Variants in XIRP1 observed in about 807,000 individuals in gnomAD.
The protein encoded by XIRP1 is xin actin binding repeat containing 1.
For missense variants in XIRP1, 2,378 were observed against 2,345.4 expected, an observed-to-expected ratio of 1.01 and a Z score of -0.29; for synonymous variants, 984 against 947.0, an observed-to-expected ratio of 1.04 and a Z score of -0.72.
At position 39,189,047 on chromosome 3, in the gene XIRP1, G is replaced by A. The variant is rs766709376; in HGVS notation, c.399C>T (p.Gly133=). 5.6e-6 allele frequency: 9 copies of A among 1,614,038 alleles called. No homozygotes were observed. Among genetic ancestry groups the A allele is most frequent in the East Asian group, 2.2e-5 (1 of 44,904 alleles). ...CCTGGTCTGTGCTGTTGGCAAAGGA[G>A]CCTTCCTCAAACTTGCGGGAGGTGG... is the stretch of plus-strand genomic sequence containing the variant. ...VQATSRKFEE[G]SFANSTDQEP... The change falls in exon 2 of 2, where the codon GGC becomes GGT. Residue 133 remains glycine, a synonymous_variant. Coordinates refer to ENST00000340369, the MANE Select transcript of XIRP1 (RefSeq NM_194293.4).
rs138241589 is a variant in XIRP1 at position 39,183,719 on chromosome 3, C to T, written c.*195G>A. ...CCTGTGCAACTCTGTGGGCCTCTTCCAGACCTTTCTTTTTCCATTTGGAAG... is the reference window on the plus strand; with the variant it reads ...CCTGTGCAACTCTGTGGGCCTCTTCTAGACCTTTCTTTTTCCATTTGGAAG... On this transcript the variant is annotated 3_prime_UTR_variant, in exon 2 of 2. Transcript: ENST00000340369. The T allele has an allele frequency of 6.3e-4, 630 of 1,002,522 alleles. 4 individuals carry two copies. The African/African-American group carries it at 9.3e-3, about 15-fold the overall frequency. 62.1% of individuals were successfully genotyped at this position (1,002,522 alleles called of 1,614,324 possible).
chr3:39,191,078 C>T (rs1466756584), intron 1 of XIRP1, among the ~76,000 whole-genome samples: 1 of 152,222 alleles, frequency 6.6e-6, no homozygotes, highest in East Asian at 1.9e-4. Flanking sequence ...GCAGGACTTC[C>T]TCCCTATGGC....
Position 39,184,919 on chromosome 3 carries a change from A to C in XIRP1, c.4527T>G (p.Pro1509=). The C allele has an allele frequency of 1.3e-6, 2 of 1,582,458 alleles. No homozygotes were observed. Among genetic ancestry groups the C allele is most frequent in the Non-Finnish European group, 1.7e-6 (2 of 1,162,874 alleles). The change falls in exon 2 of 2, where the codon CCT becomes CCG. Residue 1509 remains proline (P), a synonymous_variant. Transcript: ENST00000340369. ...EAVPQLGGAA[P]QAPAAHQKPE... ...GCTTTTGGTGGGCAGCAGGAGCCTG[A>C]GGAGCAGCCCCTCCCAGCTGGGGCA...
chr3:39,191,147 T>C (rs1230497533), intron 1 of XIRP1, among the ~76,000 whole-genome samples: 2 of 152,174 alleles, frequency 1.3e-5, no homozygotes, highest in Non-Finnish European at 2.9e-5. Context: ...CACCCTGGCA[T>C]GTCCACCAAA....
chr3:39,187,086 T>C lies in XIRP1; in HGVS notation c.2360A>G (p.His787Arg), dbSNP rs2039993232. ...TCGGGCCTCCATGAGGATGCCTCCA[T>C]GGTGCAGGATGCCAGGTGTGGCATG... ...TLHATPGILHHGGILMEARGP... is the reference protein window; with the variant it reads ...TLHATPGILHRGGILMEARGP... Residue 787 changes from histidine to arginine, a missense_variant, in exon 2 of 2, where the codon CAT (histidine) becomes CGT (arginine). Physicochemically the swap from His to Arg is conservative, Grantham distance 29. Coordinates refer to ENST00000340369, the MANE Select transcript of XIRP1 (RefSeq NM_194293.4). 4 of 1,613,358 alleles carry C rather than the reference T, an allele frequency of 2.5e-6. No individual in the cohort carries two copies. Among genetic ancestry groups the C allele is most frequent in the Admixed American group, 3.3e-5 (2 of 59,992 alleles).
Position 39,184,784 on chromosome 3 carries a change from C to T in XIRP1, c.4662G>A (p.Val1554=). Residue 1554 remains valine, a synonymous_variant, in exon 2 of 2, where the codon GTG becomes GTA. Coordinates refer to ENST00000340369, the MANE Select transcript of XIRP1 (RefSeq NM_194293.4). ...LARLLDIEEA[V]HKALSSMSSL... ...TAGACATGGAGCTGAGTGCCTTGTG[C>T]ACAGCCTCTTCAATGTCCAGCAGCC... The T allele has an allele frequency of 6.2e-7, 1 of 1,614,234 alleles. No individual in the cohort carries two copies. The highest frequency in any genetic ancestry group is 1.6e-4 in the Middle Eastern group (1 of 6,062).
rs2040044477 is a variant in XIRP1 at position 39,189,027 on chromosome 3, T to A, written c.419A>T (p.Asp140Val). The change falls in exon 2 of 2, where the codon GAC (aspartate) becomes GTC (valine). Residue 140 changes from aspartate (D) to valine (V), a missense_variant. Asp to Val is a radical substitution (Grantham distance 152). Transcript: ENST00000340369. ...TGGCTGGGGCCTGGTTGGCTCCTGG[T>A]CTGTGCTGTTGGCAAAGGAGCCTTC... ...FEEGSFANST[D>V]QEPTRPQPGG... 2 of 1,614,068 alleles carry A rather than the reference T, an allele frequency of 1.2e-6. No homozygotes were observed. Among genetic ancestry groups the A allele is most frequent in the Admixed American group, 3.3e-5 (2 of 60,030 alleles).
Position 39,188,308 on chromosome 3 carries a change from A to C in XIRP1, c.1138T>G (p.Ser380Ala). The C allele has an allele frequency of 6.2e-7, 1 of 1,613,896 alleles. No homozygotes were observed. The highest frequency in any genetic ancestry group is 8.5e-7 in the Non-Finnish European group (1 of 1,179,968). Residue 380 changes from serine to alanine, a missense_variant, in exon 2 of 2, where the codon TCC (serine) becomes GCC (alanine). Coordinates refer to ENST00000340369, the MANE Select transcript of XIRP1 (RefSeq NM_194293.4). ...TTTGTTTCAAATAGCCACAGGGTGG[A>C]GCGGACATCACCAGGGACCACTTCC... The part of the protein sequence containing the change: ...KEEVVPGDVR[S>A]TLWLFETKPL...
Position 39,186,998 on chromosome 3 carries a change from A to G in XIRP1, c.2448T>C (p.Tyr816=), listed in dbSNP as rs745824254. 2 of 1,606,514 alleles carry G rather than the reference A, an allele frequency of 1.2e-6. No individual in the cohort carries two copies. The highest frequency in any genetic ancestry group is 1.1e-5 in the South Asian group (1 of 90,936). ...VLSGTGQGHP[Y]IRKEELVSGE... ...CTGACACCAGCTCCTCCTTTCGTAT[A>G]TAAGGGTGCCCCTGCCCTGTGCCCG... is the stretch of plus-strand genomic sequence containing the variant. The change falls in exon 2 of 2, where the codon TAT becomes TAC. Residue 816 remains tyrosine (Y), a synonymous_variant. Transcript: ENST00000340369.
rs2125903150 is a variant in XIRP1, at chr3:39,188,700, G to C, written c.746C>G (p.Ala249Gly). The C allele has an allele frequency of 3.1e-6, 5 of 1,613,562 alleles. No individual in the cohort carries two copies. In the East Asian group the frequency reaches 8.9e-5, roughly 29 times the overall value. ...GCATGCGGCCTTGACCTCATGGATG[G>C]CGCCCTCTGCATCCTGGATGGCACA... The part of the protein sequence containing the change: ...PLCAIQDAEG[A>G]IHEVKAACRE... The change falls in exon 2 of 2, where the codon GCC becomes GGC. Residue 249 changes from alanine (A) to glycine (G), a missense_variant. Coordinates refer to ENST00000340369, the MANE Select transcript of XIRP1 (RefSeq NM_194293.4).
At position 39,185,587 on chromosome 3, in the gene XIRP1, G is replaced by A; in HGVS notation, c.3859C>T (p.Leu1287=). ...TGGGAGTGAAGAAGGGGGTCCTTCA[G>A]GGGCTCAGAGGCTTGCTGGATGGAG... ...EDSIQQASEP[L]KDPLLHSHSS... Residue 1287 remains leucine, a synonymous_variant, in exon 2 of 2, where the codon CTG becomes TTG. Transcript: ENST00000340369. 6.3e-7 allele frequency: 1 copy of A among 1,594,552 alleles called. No homozygotes were observed. The highest frequency in any genetic ancestry group is 2.2e-5 in the East Asian group (1 of 44,630).
Position 39,187,706 on chromosome 3 carries a change from G to T in XIRP1, c.1740C>A (p.Asp580Glu), listed in dbSNP as rs762042847. The change falls in exon 2 of 2, where the codon GAC (aspartate) becomes GAA (glutamate). Residue 580 changes from aspartate (D) to glutamate (E), a missense_variant. Coordinates refer to ENST00000340369, the MANE Select transcript of XIRP1 (RefSeq NM_194293.4). ...RQKEEGKSQG[D>E]PQPEAPPKGD... ...CCTTTGGGGGTGCCTCAGGCTGGGG[G>T]TCTCCCTGACTCTTCCCTTCTTCTT... The T allele has an allele frequency of 1.5e-5, 25 of 1,613,904 alleles. No homozygotes were observed. The East Asian group carries it at 5.1e-4, about 33-fold the overall frequency.
Position 39,187,747 on chromosome 3 carries a change from G to A in XIRP1, c.1699C>T (p.Gln567Ter). The change falls in exon 2 of 2, where the codon CAG becomes TAG. Residue 567 changes from glutamine (Q) to a stop codon, truncating the protein, a stop_gained. Transcript: ENST00000340369. LOFTEE classifies it low-confidence loss of function (END_TRUNC). ...QPLEMIHQRE[Q>*]QERQKEEGKS... ...CCTTCTTCTTTCTGTCGTTCCTGCT[G>A]CTCCCGTTGGTGGATCATCTCCAGG... 6.2e-7 allele frequency: 1 copy of A among 1,614,102 alleles called. No homozygotes were observed. The highest frequency in any genetic ancestry group is 8.5e-7 in the Non-Finnish European group (1 of 1,180,038).
rs1252893750 is a variant in XIRP1, at chr3:39,186,578, T to C, written c.2868A>G (p.Pro956=). The C allele has an allele frequency of 1.9e-6, 3 of 1,611,300 alleles. No individual in the cohort carries two copies. In the East Asian group the frequency reaches 6.7e-5, roughly 36 times the overall value. The change falls in exon 2 of 2, where the codon CCA becomes CCG. Residue 956 remains proline, a synonymous_variant. Coordinates refer to ENST00000340369, the MANE Select transcript of XIRP1 (RefSeq NM_194293.4). ...GCAGGCTCTGGGCCCCCTCGCTGGC[T>C]GGCACTGGACTCGGGTCAGCCGGGG... ...WEPPADPSPV[P]ASEGAQSLHP... is the part of the protein sequence containing the mutation.
rs760243523 is a variant in XIRP1 at position 39,187,081 on chromosome 3, C to G, written c.2365G>C (p.Gly789Arg). The G allele has an allele frequency of 1.9e-6, 3 of 1,613,402 alleles. No homozygotes were observed. The stretch of plus-strand genomic sequence containing the variant: ...GGCCCTCGGGCCTCCATGAGGATGC[C>G]TCCATGGTGCAGGATGCCAGGTGTG... Reference protein sequence around the residue: ...HATPGILHHGGILMEARGPGE... With the variant: ...HATPGILHHGRILMEARGPGE... Residue 789 changes from glycine to arginine, a missense_variant, in exon 2 of 2, where the codon GGC (glycine) becomes CGC (arginine). Coordinates refer to ENST00000340369, the MANE Select transcript of XIRP1 (RefSeq NM_194293.4).
At position 39,187,412 on chromosome 3, in the gene XIRP1, C is replaced by T. The variant is rs753101456; in HGVS notation, c.2034G>A (p.Arg678=). The T allele has an allele frequency of 3.7e-6, 6 of 1,614,228 alleles. No individual in the cohort carries two copies. In the South Asian group the frequency reaches 5.5e-5, roughly 15 times the overall value. ...CCACGCGGCTGCAGTATCTCACAGGCCGTCTTCCACAGGGACGGCCTGAGG... is the reference window on the plus strand; with the variant it reads ...CCACGCGGCTGCAGTATCTCACAGGTCGTCTTCCACAGGGACGGCCTGAGG... The part of the protein sequence containing the change: ...LQASGRPCGR[R]PVRYCSRVEI... Residue 678 remains arginine (R), a synonymous_variant, in exon 2 of 2, where the codon CGG becomes CGA. Transcript: ENST00000340369.
chr3:39,189,474 G>T lies in XIRP1; in HGVS notation c.-29C>A. 6.4e-7 allele frequency: 1 copy of T among 1,554,326 alleles called. No individual in the cohort carries two copies. ...TCTGAGAAGAAGGGGCAGAGATGAG[G>T]ATGGGATTGGGAGCCTTAGATCTAG... On this transcript the variant is annotated 5_prime_UTR_variant, in exon 2 of 2. Coordinates refer to ENST00000340369, the MANE Select transcript of XIRP1 (RefSeq NM_194293.4).
chr3:39,185,375 C>T lies in XIRP1; in HGVS notation c.4071G>A (p.Gly1357=). 1.2e-6 allele frequency: 2 copies of T among 1,614,118 alleles called. No homozygotes were observed. Among genetic ancestry groups the T allele is most frequent in the East Asian group, 2.2e-5 (1 of 44,882 alleles). The change falls in exon 2 of 2, where the codon GGG becomes GGA. Residue 1357 remains glycine, a synonymous_variant. Coordinates refer to ENST00000340369, the MANE Select transcript of XIRP1 (RefSeq NM_194293.4). The part of the protein sequence containing the change: ...PLSPSFSSEV[G]QREHQRGERD... The stretch of plus-strand genomic sequence containing the variant: ...TCTCACCTCGTTGGTGTTCTCTTTG[C>T]CCCACCTCCGAGGAAAAGCTGGGAG...
At position 39,189,168 on chromosome 3, in the gene XIRP1, C is replaced by T. The variant is rs1022609909; in HGVS notation, c.278G>A (p.Cys93Tyr). 7.4e-6 allele frequency: 12 copies of T among 1,614,192 alleles called. No homozygotes were observed. Among genetic ancestry groups the T allele is most frequent in the African/African-American group, 1.3e-5 (1 of 75,074 alleles). ...SEEPTEGDVQ[C>Y]MRWIFENWRL... ...CCAGTTCTCAAAGATCCAGCGCATG[C>T]ACTGAACGTCACCCTCGGTGGGTTC... Residue 93 changes from cysteine (C) to tyrosine (Y), a missense_variant, in exon 2 of 2, where the codon TGC (cysteine) becomes TAC (tyrosine). Cys to Tyr is a radical substitution (Grantham distance 194). Coordinates refer to ENST00000340369, the MANE Select transcript of XIRP1 (RefSeq NM_194293.4).
Sources: allele counts gnomAD v4.1 joint callset (sites outside exome capture counted in the v4.1 genomes callset), GRCh38; gene constraint gnomAD v4.1.1; transcripts MANE v1.5; gene names NCBI Gene and HGNC (gene_info 2026-07-23, HGNC 2026-07-21).